Variants in KIF1B observed in about 807,000 individuals in gnomAD.
KIF1B encodes the protein kinesin family member 1B, also known as kinesin-like protein KIF1B.
In KIF1B, 76 loss-of-function variants were observed where a neutral mutation model predicts 241.9. The ratio of observed to expected loss-of-function variants is 0.31; its 90% CI spans 0.26 to 0.38. KIF1B has a LOEUF of 0.38. KIF1B is among the 10% of genes least tolerant of loss of function. The pLI, the probability that KIF1B is intolerant of heterozygous loss-of-function variation, is 1.00. For missense variants in KIF1B, 1,622 were observed against 2,271.4 expected (o/e 0.71, Z 5.81); for synonymous variants, 750 against 796.7 (o/e 0.94, Z 0.99).
chr1:10,215,240 G>A (rs1213645797), intron 1 of KIF1B, among the ~76,000 whole-genome samples: 1 of 130,940 alleles, frequency 7.6e-6, no homozygotes, highest in Admixed American at 8.5e-5. Context: ...GCAACGGCGC[G>A]ATCTCGGCTC....
intron 23 of KIF1B, among the ~76,000 whole-genome samples, chr1:10,320,778 G>A (rs930860592): frequency 3.3e-5 from 5 of 150,064 alleles, no homozygotes; most frequent in African/African-American, 5.0e-5. Flanking sequence ...CCACGCTGGA[G>A]TGCAATGGTG....
At chr1:10,338,498 G>T (rs1652266145) in intron 31 of KIF1B, among the ~76,000 whole-genome samples, 1 of 152,206 alleles carries the variant, frequency 6.6e-6, no homozygotes, top group Non-Finnish European at 1.5e-5. Context: ...ACTTAGGGCA[G>T]GATAGTGTTC....
rs913192547 is a variant in KIF1B at position 10,361,745 on chromosome 1, C to G, written c.4224C>G (p.Phe1408Leu). Residue 1408 changes from phenylalanine to leucine, a missense_variant, in exon 40 of 49, where the codon TTC becomes TTG. By Grantham distance (22) the Phe-to-Leu change is conservative (BLOSUM62 0). This residue lies in a region of KIF1B where 803 missense variants were observed against 1,112.0 expected (regional missense o/e 0.72). Transcript: ENST00000676179. Reference sequence around the variant, plus strand: ...TCACCAAGGATGTGTGCATGGTCTTCTACTCCCGAGATGCCAAGATCTCAC... The same window carrying G: ...TCACCAAGGATGTGTGCATGGTCTTGTACTCCCGAGATGCCAAGATCTCAC... ...AVITKDVCMV[F>L]YSRDAKISPP... 6.2e-7 allele frequency: 1 copy of G among 1,614,140 alleles called. No homozygotes were observed. Among genetic ancestry groups the G allele is most frequent in the Non-Finnish European group, 8.5e-7 (1 of 1,180,036 alleles).
intron 22 of KIF1B, chr1:10,304,895 CT>C: frequency 1.5e-6 from 2 of 1,356,894 alleles, no homozygotes; most frequent in Non-Finnish European, 1.9e-6. Context: ...AACGTTCCTC[CT>C]TTTTTAGTGC....
chr1:10,249,843 C>T (rs140808789), intron 2 of KIF1B, among the ~76,000 whole-genome samples: 34 of 152,266 alleles, frequency 2.2e-4, no homozygotes, highest in East Asian at 3.9e-4. Context: ...GCTGAGGATG[C>T]GTGAGCTGTA....
chr1:10,241,238 GTA>G (rs1647132954), intron 2 of KIF1B, among the ~76,000 whole-genome samples: 1 of 151,962 alleles, frequency 6.6e-6, no homozygotes. Context: ...CACTCCCCTA[GTA>G]GCTGGGGCTA....
intron 47 of KIF1B, 24 bp from the exon 48 acceptor site, chr1:10,375,231 T>C (rs761215387): frequency 2.5e-6 from 4 of 1,598,076 alleles, no homozygotes. Flanking sequence ...GTAACTTTCT[T>C]GTCTACCTGC....
In KIF1B at chr1:10,376,639, C is replaced by A. The variant is rs1440353083; in HGVS notation, c.*52C>A. 7.2e-6 allele frequency: 11 copies of A among 1,520,342 alleles called. No homozygotes were observed. Among genetic ancestry groups the A allele is most frequent in the Admixed American group, 1.7e-5 (1 of 59,840 alleles). The allele number at this position is 1,520,342 out of a possible 1,614,324, so 94.2% of individuals were successfully genotyped here. A position where few individuals can be genotyped will look rare whatever the true frequency, so the allele number is the denominator to read the frequency against. The stretch of plus-strand genomic sequence containing the variant: ...CCTTCGAGAGATAAAGAAAGCGTTA[C>A]CTCTCATTTCTCTTTGTGATTCTTG... On this transcript the variant is annotated 3_prime_UTR_variant, in exon 49 of 49. Transcript: ENST00000676179.
chr1:10,289,145 A>C (rs907014049), intron 15 of KIF1B, among the ~76,000 whole-genome samples: 1 of 152,066 alleles, frequency 6.6e-6, no homozygotes, highest in African/African-American at 2.4e-5. Flanking sequence ...CTGTTTTGGC[A>C]TGTGCTCGTC....
rs1341811047 is a variant in KIF1B at position 10,244,637 on chromosome 1, G to T, written c.107-11610G>T. On this transcript the variant is annotated intron_variant, in intron 2 of 48. Transcript: ENST00000676179. Reference sequence around the variant, plus strand: ...CTCCTTTTTTTTTTTTTTTGAGACGGAGTCTTGCTCTGTCGCCCAGGCTGG... The same window carrying T: ...CTCCTTTTTTTTTTTTTTTGAGACGTAGTCTTGCTCTGTCGCCCAGGCTGG... 1.1e-4 allele frequency among the ~76,000 whole-genome samples: 15 copies of T among 133,890 alleles called. No homozygotes were observed. In the South Asian group the frequency reaches 1.2e-3, roughly 11 times the overall value. The allele number at this position is 133,890 out of a possible 152,430, so 87.8% of individuals were successfully genotyped here.
intron 15 of KIF1B, among the ~76,000 whole-genome samples, chr1:10,285,746 C>T (rs775494141): frequency 1.3e-5 from 2 of 152,080 alleles, no homozygotes; most frequent in African/African-American, 2.4e-5. Flanking sequence ...TAATGCTGCA[C>T]GCAGATAACA....
Position 10,321,702 on chromosome 1 carries a change from C to A in KIF1B, c.2210-7C>A. The A allele has an allele frequency of 3.1e-6, 5 of 1,613,786 alleles. No individual in the cohort carries two copies. Among genetic ancestry groups the A allele is most frequent in the Non-Finnish European group, 4.2e-6 (5 of 1,179,674 alleles). ...TGCCATTAAATATGCATCATTCATT[C>A]TTTCAGTTCCTTGGACACAGCATGA... On this transcript the variant is annotated splice_region_variant and splice_polypyrimidine_tract_variant and intron_variant, in intron 23 of 48. Transcript: ENST00000676179.
rs772578159 is a variant in KIF1B at position 10,296,941 on chromosome 1, C to G, written c.1906C>G (p.His636Asp). ...TAAAAACCATGTTTTCCGCTTTAAC[C>G]ACCCGGAACAAGCACGAGCTGAGCG... Reference protein sequence around the residue: ...MGKNHVFRFNHPEQARAEREK... With the variant: ...MGKNHVFRFNDPEQARAEREK... The change falls in exon 21 of 49, where the codon CAC becomes GAC. Residue 636 changes from histidine (H) to aspartate (D), a missense_variant. By Grantham distance (81) the His-to-Asp change is moderately conservative. Coordinates refer to ENST00000676179, the MANE Select transcript of KIF1B (RefSeq NM_001365951.3). The G allele has an allele frequency of 1.2e-6, 2 of 1,613,986 alleles. No individual in the cohort carries two copies. Among genetic ancestry groups the G allele is most frequent in the Admixed American group, 3.3e-5 (2 of 59,994 alleles).
chr1:10,237,131 C>T (rs1647067620), intron 2 of KIF1B, among the ~76,000 whole-genome samples: 1 of 152,140 alleles, frequency 6.6e-6, no homozygotes, highest in South Asian at 2.1e-4. Context: ...ACTTTCTGGT[C>T]TTGGAGGAAA....
chr1:10,322,830 TTAA>T (rs1651575848), intron 24 of KIF1B, among the ~76,000 whole-genome samples: 2 of 152,252 alleles, frequency 1.3e-5, no homozygotes, highest in Admixed American at 6.5e-5. Context: ...AAATAATTGT[TTAA>T]TAATTGTTGG....
chr1:10,220,485 A>G (rs74511329), intron 1 of KIF1B, among the ~76,000 whole-genome samples: 3 of 152,218 alleles, frequency 2.0e-5, no homozygotes, highest in South Asian at 2.1e-4. Context: ...AAAGGAAGAA[A>G]TGTTCTTCAA....
At chr1:10,327,001 A>G (rs932161789) in intron 27 of KIF1B, among the ~76,000 whole-genome samples, 7 of 152,166 alleles carry the variant, frequency 4.6e-5, no homozygotes, top group South Asian at 4.1e-4. Context: ...ATTTTAACCT[A>G]TAGGGTTTAT....
intron 38 of KIF1B, among the ~76,000 whole-genome samples, chr1:10,359,510 G>A (rs1293148596): frequency 6.6e-6 from 1 of 152,064 alleles, no homozygotes; most frequent in Non-Finnish European, 1.5e-5. Context: ...GTCAATTAGA[G>A]TTAATGTTGT....
intron 22 of KIF1B, chr1:10,308,352 T>G: frequency 9.5e-7 from 1 of 1,052,988 alleles, no homozygotes; most frequent in Non-Finnish European, 1.1e-6. Flanking sequence ...GTTCTAGATA[T>G]TCTTAGCTTG....
Sources: allele counts gnomAD v4.1 joint callset (sites outside exome capture counted in the v4.1 genomes callset), GRCh38; gene constraint gnomAD v4.1.1; regional missense constraint gnomAD v4.1.1; transcripts MANE v1.5; gene names NCBI Gene and HGNC (gene_info 2026-07-23, HGNC 2026-07-21).